EREG: variants seen among roughly 807,000 people sequenced by gnomAD.
EREG encodes the protein proepiregulin.
Under a neutral mutation model 22.4 loss-of-function variants are expected in EREG, and 23 were observed. That is an observed-to-expected ratio of 1.03 (90% CI 0.74 to 1.46). The LOEUF (loss-of-function observed/expected upper bound fraction) is 1.46, where lower values mean the gene tolerates loss of function less well. EREG is among the 40% of genes most tolerant of loss of function. EREG has a pLI of 0.00. For missense variants in EREG, 226 were observed against 205.9 expected (o/e 1.10, Z -0.60); for synonymous variants, 100 against 75.4 (o/e 1.33, Z -1.69).
Position 74,384,827 on chromosome 4 carries a change from T to C in EREG, c.*19T>C, listed in dbSNP as rs939307945. On this transcript the variant is annotated 3_prime_UTR_variant, in exon 5 of 5. Coordinates refer to ENST00000244869, the MANE Select transcript of EREG (RefSeq NM_001432.3). ...AGTCTGAATGGCGCCATCAAACTTA[T>C]GGGCAGGGATAACAGTGTGCCTGGT... 13 of 1,504,198 alleles carry C rather than the reference T, an allele frequency of 8.6e-6. No individual in the cohort carries two copies. Among genetic ancestry groups the C allele is most frequent in the Middle Eastern group, 1.7e-4 (1 of 5,892 alleles). 93.2% of individuals were successfully genotyped at this position (1,504,198 alleles called of 1,614,324 possible).
rs201035209 is a variant in EREG at position 74,380,071 on chromosome 4, C to CGAG, written c.154+540_154+542dup. 8.7e-3 allele frequency among the ~76,000 whole-genome samples: 1,326 copies of CGAG among 152,254 alleles called. 11 individuals are homozygous for CGAG. The highest frequency in any genetic ancestry group is 0.014 in the Non-Finnish European group (927 of 68,016). On this transcript the variant is annotated intron_variant, in intron 2 of 4. Transcript: ENST00000244869. ...GATAAGTAATACAGTTTTTTCCCCT[C>CGAG]GAGGACTGTGGACTCCAGATATGGT... is the stretch of plus-strand genomic sequence containing the variant.
intron 1 of EREG, among the ~76,000 whole-genome samples, chr4:74,371,631 A>G (rs1264616344): frequency 6.6e-6 from 1 of 152,168 alleles, no homozygotes; most frequent in East Asian, 1.9e-4. Flanking sequence ...ATTCCTTTAA[A>G]GGCAGTATCT....
chr4:74,383,685 T>C (rs1325896116), intron 4 of EREG, among the ~76,000 whole-genome samples: 1 of 152,196 alleles, frequency 6.6e-6, no homozygotes, highest in Non-Finnish European at 1.5e-5. Context: ...TTTTTATTTT[T>C]CTGTGAAAGT....
At chr4:74,378,763 C>G (rs1376915591) in intron 1 of EREG, among the ~76,000 whole-genome samples, 1 of 151,562 alleles carries the variant, frequency 6.6e-6, no homozygotes, top group Non-Finnish European at 1.5e-5. Context: ...TTCTTGATAT[C>G]TATGTTCCAA....
chr4:74,375,959 A>C (rs1752375591), intron 1 of EREG, among the ~76,000 whole-genome samples: 1 of 152,232 alleles, frequency 6.6e-6, no homozygotes, highest in African/African-American at 2.4e-5. Context: ...CAAGTCTCAC[A>C]GAAACTATCC....
intron 1 of EREG, among the ~76,000 whole-genome samples, chr4:74,367,230 A>G (rs969452028): frequency 1.3e-5 from 2 of 152,180 alleles, no homozygotes; most frequent in Non-Finnish European, 2.9e-5. Context: ...TAAATTTTAC[A>G]CTTGTTTAAT....
rs558699130 is a variant in EREG, at chr4:74,382,501, A to G, written c.279-144A>G. ...CTTTTATCATTACTGGTCTAACTCAATCTTTGAAATCCTCTTTACAATCTT... is the reference window on the plus strand; with the variant it reads ...CTTTTATCATTACTGGTCTAACTCAGTCTTTGAAATCCTCTTTACAATCTT... On this transcript the variant is annotated intron_variant, in intron 3 of 4. Coordinates refer to ENST00000244869, the MANE Select transcript of EREG (RefSeq NM_001432.3). 37 of 608,364 alleles carry G rather than the reference A, an allele frequency of 6.1e-5. No individual in the cohort carries two copies. In the South Asian group the frequency reaches 8.8e-4, roughly 15 times the overall value. The allele number at this position is 608,364 out of a possible 1,614,324, so 37.7% of individuals were successfully genotyped here. A position where few individuals can be genotyped will look rare whatever the true frequency, so the allele number is the denominator to read the frequency against.
At position 74,387,651 on chromosome 4, in the gene EREG, G is replaced by C. The variant is rs1752594211; in HGVS notation, c.*2843G>C. On this transcript the variant is annotated 3_prime_UTR_variant, in exon 5 of 5. Transcript: ENST00000244869. ...AAACTGATTTGCTCTCAGCTGATGT[G>C]TCCTGTACACAGTGGGAAGATTTTA... The C allele has an allele frequency of 6.6e-6, 1 of 152,146 alleles. No homozygotes were observed. The highest frequency in any genetic ancestry group is 2.4e-5 in the African/African-American group (1 of 41,436). 9.4% of individuals were successfully genotyped at this position (152,146 alleles called of 1,614,324 possible).
intron 3 of EREG, chr4:74,381,347 G>A (rs1317860580): frequency 6.3e-6 from 3 of 474,016 alleles, no homozygotes; most frequent in Non-Finnish European, 1.1e-5. Context: ...GAAGTCTCCA[G>A]AGTCTATTAC....
At chr4:74,369,669 G>GCA (rs145172452) in intron 1 of EREG, among the ~76,000 whole-genome samples, 4 of 151,650 alleles carry the variant, frequency 2.6e-5, no homozygotes, top group Admixed American at 1.3e-4. Flanking sequence ...ATTGATACGT[G>GCA]CACACACACA....
chr4:74,381,274 T>C, intron 3 of EREG, 137 bp downstream of exon 3: 1 of 699,800 alleles, frequency 1.4e-6, no homozygotes, highest in Non-Finnish European at 2.4e-6. Flanking sequence ...CCTCAAATAG[T>C]GTGCATGGAA....
intron 1 of EREG, among the ~76,000 whole-genome samples, chr4:74,371,116 A>G (rs28695509): frequency 9.9e-5 from 15 of 152,226 alleles, no homozygotes; most frequent in African/African-American, 3.4e-4. Flanking sequence ...CCCAGGAGCA[A>G]TTTTGCCAAT....
At chr4:74,380,969 C>T (rs1341395742) in intron 2 of EREG, 45 bp from the exon 3 acceptor site, 1 of 1,587,970 alleles carries the variant, frequency 6.3e-7, no homozygotes. Flanking sequence ...AGAAATTCTT[C>T]CATGAAGGCT....
chr4:74,379,602 G>A, intron 2 of EREG, 68 bp downstream of exon 2: 2 of 934,784 alleles, frequency 2.1e-6, no homozygotes, highest in East Asian at 2.4e-5. Context: ...TAAACTCAAA[G>A]ACTATAAGTA....
At chr4:74,377,617 T>C (rs938956527) in intron 1 of EREG, among the ~76,000 whole-genome samples, 2 of 152,224 alleles carry the variant, frequency 1.3e-5, no homozygotes, top group African/African-American at 2.4e-5. Flanking sequence ...AGGACTTCCC[T>C]GAGACTGGGT....
At chr4:74,369,184 G>T (rs72859325) in intron 1 of EREG, among the ~76,000 whole-genome samples, 11,479 of 152,048 alleles carry the variant, frequency 0.075, 763 homozygotes, top group African/African-American at 0.18. Flanking sequence ...GGGTACAATT[G>T]GTTTTTTGTT....
intron 1 of EREG, among the ~76,000 whole-genome samples, chr4:74,366,763 G>C (rs2110382209): frequency 6.6e-6 from 1 of 152,302 alleles, no homozygotes; most frequent in East Asian, 1.9e-4. Context: ...TGTGTTGTGT[G>C]TGTGTTTGTT....
rs76661150 is a variant in EREG at position 74,382,350 on chromosome 4, T to C, written c.279-295T>C. ...ACAAAAAAAGAATTGATTCCACTGA[T>C]TTAGACAAAAGGAATCTCAAACCTG... On this transcript the variant is annotated intron_variant, in intron 3 of 4. Transcript: ENST00000244869. The C allele has an allele frequency of 2.1e-3, 528 of 247,628 alleles. 11 individuals carry two copies. The East Asian group carries it at 0.038, about 18-fold the overall frequency. 15.3% of individuals were successfully genotyped at this position (247,628 alleles called of 1,614,324 possible).
rs72859321 is a variant in EREG at position 74,366,084 on chromosome 4, T to C, written c.67+709T>C. Among the ~76,000 whole-genome samples, 739 of 152,214 alleles carry C rather than the reference T, an allele frequency of 4.9e-3. 6 individuals carry two copies. The highest frequency in any genetic ancestry group is 0.017 in the African/African-American group (708 of 41,520). ...TTGCTGCTAATTGCACTCCATAGCC[T>C]GTGATCGCTGAGGGTATTTAAATGC... is the stretch of plus-strand genomic sequence containing the variant. On this transcript the variant is annotated intron_variant, in intron 1 of 4. Coordinates refer to ENST00000244869, the MANE Select transcript of EREG (RefSeq NM_001432.3).
Sources: allele counts gnomAD v4.1 joint callset (sites outside exome capture counted in the v4.1 genomes callset), GRCh38; gene constraint gnomAD v4.1.1; transcripts MANE v1.5; gene names NCBI Gene and HGNC (gene_info 2026-07-23, HGNC 2026-07-21).